FHOD3: variants seen among roughly 807,000 people sequenced by gnomAD.
FHOD3 encodes formin homology 2 domain containing 3.
FHOD3 carries 90 observed loss-of-function variants against 173.0 expected under a neutral mutation model. The ratio of observed to expected loss-of-function variants is 0.52; its 90% confidence interval spans 0.44 to 0.62. FHOD3 has a LOEUF of 0.62. FHOD3 is among the 20% of genes least tolerant of loss of function. FHOD3 has a pLI of 0.00. For synonymous variants in FHOD3, 828 were observed against 823.0 expected (o/e 1.01, Z -0.10); for missense variants, 1,945 against 2,034.7 (o/e 0.96, Z 0.85).
intron 5 of FHOD3, among the ~76,000 whole-genome samples, chr18:36,529,935 C>T (rs2146823107): frequency 6.6e-6 from 1 of 152,164 alleles, no homozygotes; most frequent in East Asian, 1.9e-4. Context: ...TTGGTAGCGA[C>T]AGGCTCTGTG....
At chr18:36,663,585 G>C (rs892605211) in intron 14 of FHOD3, among the ~76,000 whole-genome samples, 3 of 152,204 alleles carry the variant, frequency 2.0e-5, no homozygotes, top group African/African-American at 7.2e-5. Context: ...TAGGAAGCTG[G>C]GAAAGTGGAA....
At chr18:36,593,102 G>A (rs1051075956) in intron 6 of FHOD3, among the ~76,000 whole-genome samples, 1 of 152,206 alleles carries the variant, frequency 6.6e-6, no homozygotes, top group Non-Finnish European at 1.5e-5. Context: ...GACTTTGGTT[G>A]CCCAGAGGCA....
At chr18:36,586,013 C>G (rs931399244) in intron 6 of FHOD3, among the ~76,000 whole-genome samples, 14 of 152,306 alleles carry the variant, frequency 9.2e-5, no homozygotes, top group African/African-American at 2.4e-4. Flanking sequence ...CCCTTCTCCC[C>G]CTACTCCAAA....
chr18:36,717,485 A>G (rs2149762032), intron 18 of FHOD3, among the ~76,000 whole-genome samples: 1 of 152,168 alleles, frequency 6.6e-6, no homozygotes, highest in African/African-American at 2.4e-5. Flanking sequence ...TTGCCTCCCT[A>G]TCTCAAGTTA....
chr18:36,383,361 C>T (rs749123517), intron 3 of FHOD3, among the ~76,000 whole-genome samples: 14 of 152,310 alleles, frequency 9.2e-5, no homozygotes, highest in Middle Eastern at 3.4e-3. Context: ...GAGTTATGTT[C>T]AGGCCCCACT....
At position 36,709,730 on chromosome 18, in the gene FHOD3, G is replaced by A. The variant is rs11661356; in HGVS notation, c.2533+339G>A. 3.6e-3 allele frequency: 940 copies of A among 263,438 alleles called. 5 individuals carry two copies. Among genetic ancestry groups the A allele is most frequent in the Non-Finnish European group, 5.2e-3 (724 of 138,444 alleles). The allele number at this position is 263,438 out of a possible 1,614,324, so 16.3% of individuals were successfully genotyped here. ...CACTTCCCCCTGACTGTTCCATTGTGAATAATAGTAAGGTTGATAATAGTA... is the reference window on the plus strand; with the variant it reads ...CACTTCCCCCTGACTGTTCCATTGTAAATAATAGTAAGGTTGATAATAGTA... On this transcript the variant is annotated intron_variant, in intron 18 of 28. Coordinates refer to ENST00000590592, the MANE Select transcript of FHOD3 (RefSeq NM_001281740.3).
At chr18:36,712,568 T>G (rs546133081) in intron 18 of FHOD3, among the ~76,000 whole-genome samples, 1 of 151,974 alleles carries the variant, frequency 6.6e-6, no homozygotes, top group East Asian at 1.9e-4. Flanking sequence ...AATTACGAAC[T>G]CTGAATGACA....
At chr18:36,318,599 T>C (rs951864421) in intron 1 of FHOD3, among the ~76,000 whole-genome samples, 10 of 152,236 alleles carry the variant, frequency 6.6e-5, no homozygotes, top group Admixed American at 4.6e-4. Context: ...TTTGCTGAAG[T>C]TGTTTATCAG....
intron 13 of FHOD3, among the ~76,000 whole-genome samples, chr18:36,654,243 T>G (rs949132678): frequency 2.6e-5 from 4 of 152,194 alleles, no homozygotes; most frequent in Admixed American, 6.5e-5. Context: ...TGAAGGAAGC[T>G]CCTTCATACC....
intron 1 of FHOD3, among the ~76,000 whole-genome samples, chr18:36,304,012 A>G (rs1298010045): frequency 1.3e-5 from 2 of 152,254 alleles, no homozygotes; most frequent in Admixed American, 1.3e-4. Context: ...TCTCCAACAA[A>G]TAAATTGCAA....
At chr18:36,321,451 A>C (rs1280914340) in intron 1 of FHOD3, among the ~76,000 whole-genome samples, 1 of 152,202 alleles carries the variant, frequency 6.6e-6, no homozygotes, top group East Asian at 1.9e-4. Flanking sequence ...TGACTTCTGG[A>C]TAATGGGGCT....
chr18:36,749,447 G>A (rs72883524), intron 24 of FHOD3, among the ~76,000 whole-genome samples: 18,295 of 152,106 alleles, frequency 0.12, 1,402 homozygotes, highest in East Asian at 0.21. Flanking sequence ...TTCTGTTCCC[G>A]TGTTGGTTTG....
intron 28 of FHOD3, 143 bp downstream of exon 28, chr18:36,769,569 GTT>G: frequency 1.7e-6 from 2 of 1,166,740 alleles, no homozygotes; most frequent in Admixed American, 5.6e-5. Context: ...TCCACAGAAA[GTT>G]TCAGGGTTGG....
intron 10 of FHOD3, among the ~76,000 whole-genome samples, chr18:36,631,594 C>T (rs1039881857): frequency 7.9e-5 from 12 of 152,124 alleles, no homozygotes; most frequent in African/African-American, 2.7e-4. Flanking sequence ...TGTACAAACT[C>T]CATTTTTGCT....
At chr18:36,593,502 C>T (rs1016993899) in intron 6 of FHOD3, among the ~76,000 whole-genome samples, 2 of 152,126 alleles carry the variant, frequency 1.3e-5, no homozygotes, top group African/African-American at 4.8e-5. Context: ...TTAAGCTATT[C>T]CCTGTGGACT....
intron 8 of FHOD3, among the ~76,000 whole-genome samples, chr18:36,608,902 C>T (rs1231951508): frequency 6.6e-6 from 1 of 152,168 alleles, no homozygotes. Flanking sequence ...ACCCATTCAC[C>T]TGTTGAAGGA....
At chr18:36,502,548 T>C (rs1423185349) in intron 4 of FHOD3, among the ~76,000 whole-genome samples, 1 of 152,220 alleles carries the variant, frequency 6.6e-6, no homozygotes, top group Non-Finnish European at 1.5e-5. Context: ...TCCAGCTTCA[T>C]CCATGTCCCT....
intron 17 of FHOD3, among the ~76,000 whole-genome samples, chr18:36,702,868 G>A (rs2039667288): frequency 9.3e-6 from 1 of 107,934 alleles, no homozygotes; most frequent in Non-Finnish European, 2.0e-5. Context: ...GAATGATTAT[G>A]TACTTCTTGA....
At chr18:36,338,791 C>G (rs1168328904) in intron 1 of FHOD3, among the ~76,000 whole-genome samples, 1 of 152,164 alleles carries the variant, frequency 6.6e-6, no homozygotes, top group Non-Finnish European at 1.5e-5. Flanking sequence ...ATCACAGATG[C>G]CAGGTGGAGC....
Sources: gnomAD v4.1 joint callset for allele counts (sites outside exome capture counted in the v4.1 genomes callset) on GRCh38, gnomAD v4.1.1 for gene constraint, MANE v1.5 for transcripts, NCBI Gene and HGNC (gene_info 2026-07-23, HGNC 2026-07-21) for gene names.